TANC1: variants seen among roughly 807,000 people sequenced by gnomAD.
TANC1 encodes protein TANC1.
In TANC1, 77 loss-of-function variants were observed where a neutral mutation model predicts 149.7. The ratio of observed to expected loss-of-function variants is 0.51; its 90% confidence interval spans 0.43 to 0.62. The LOEUF is 0.62. TANC1 is among the 20% of genes least tolerant of loss of function. The probability of loss-of-function intolerance (pLI) is 0.00; values close to 1 mark genes in which losing one functional copy is unlikely to be tolerated. For missense variants in TANC1, 1,985 were observed against 2,321.8 expected (o/e 0.85, Z 2.98); for synonymous variants, 854 against 925.0 (o/e 0.92, Z 1.39).
At chr2:159,083,496 A>G (rs2044499656) in intron 3 of TANC1, among the ~76,000 whole-genome samples, 1 of 152,124 alleles carries the variant, frequency 6.6e-6, no homozygotes. Flanking sequence ...TAGAGAAATA[A>G]CAAAGGAAGA....
At chr2:159,065,291 G>A (rs1454324916) in intron 2 of TANC1, among the ~76,000 whole-genome samples, 2 of 152,130 alleles carry the variant, frequency 1.3e-5, no homozygotes, top group Non-Finnish European at 2.9e-5. Flanking sequence ...CCACCCCAAA[G>A]TTATAACTTC....
At chr2:159,199,670 G>A (rs1056337522) in intron 19 of TANC1, among the ~76,000 whole-genome samples, 4 of 152,192 alleles carry the variant, frequency 2.6e-5, no homozygotes, top group African/African-American at 9.7e-5. Context: ...CCACTTGACT[G>A]GATTAGTGTT....
At chr2:159,118,811 C>CTGTG (rs1214094452) in intron 4 of TANC1, among the ~76,000 whole-genome samples, 1 of 152,170 alleles carries the variant, frequency 6.6e-6, no homozygotes, top group Admixed American at 6.5e-5. Context: ...CGGCCAGGTT[C>CTGTG]TGTGATTCTT....
chr2:159,213,463 A>G (rs1180384452), intron 19 of TANC1, among the ~76,000 whole-genome samples: 1 of 151,664 alleles, frequency 6.6e-6, no homozygotes, highest in African/African-American at 2.4e-5. Context: ...AACTGACATA[A>G]ATACCATTCT....
intron 14 of TANC1, 35 bp downstream of exon 14, chr2:159,179,198 G>T (rs1314100240): frequency 6.3e-7 from 1 of 1,578,146 alleles, no homozygotes; most frequent in Non-Finnish European, 8.6e-7. Flanking sequence ...TCTTTGCAGG[G>T]AATCTCGTGT....
chr2:159,092,781 T>A (rs1188841913), intron 3 of TANC1, among the ~76,000 whole-genome samples: 1 of 152,198 alleles, frequency 6.6e-6, no homozygotes, highest in Non-Finnish European at 1.5e-5. Context: ...GTCTGAAATA[T>A]TTACTGTCAT....
At chr2:159,223,098 G>T (rs923351456) in intron 22 of TANC1, among the ~76,000 whole-genome samples, 36 of 152,226 alleles carry the variant, frequency 2.4e-4, no homozygotes, top group East Asian at 5.8e-4. Context: ...TAGAGATGGG[G>T]TTTCACTATG....
At chr2:159,228,012 C>T (rs2060120997) in intron 25 of TANC1, 47 bp downstream of exon 25, 4 of 1,591,358 alleles carry the variant, frequency 2.5e-6, no homozygotes, top group East Asian at 4.5e-5. Flanking sequence ...GCAACAGAGC[C>T]CTTCTCCAGC....
chr2:159,196,502 A>AT (rs2057859970), intron 17 of TANC1, 106 bp from the exon 18 acceptor site: 3 of 896,986 alleles, frequency 3.3e-6, no homozygotes, highest in Non-Finnish European at 5.0e-6. Context: ...TGTGAACCCC[A>AT]TGTACGCTTA....
chr2:159,120,201 A>G (rs2150085364), intron 4 of TANC1, among the ~76,000 whole-genome samples: 1 of 152,244 alleles, frequency 6.6e-6, no homozygotes, highest in Non-Finnish European at 1.5e-5. Context: ...AGGTGACAAT[A>G]GTGTATGTGC....
At chr2:159,142,730 T>G (rs1021115024) in intron 5 of TANC1, among the ~76,000 whole-genome samples, 4 of 152,028 alleles carry the variant, frequency 2.6e-5, no homozygotes, top group African/African-American at 9.7e-5. Flanking sequence ...GGCACATTTT[T>G]TCTTCAACAG....
intron 15 of TANC1, 98 bp from the exon 16 acceptor site, chr2:159,186,804 C>T (rs779112556): frequency 3.8e-5 from 57 of 1,510,880 alleles, no homozygotes; most frequent in African/African-American, 1.9e-4. Flanking sequence ...GCACCCTCTG[C>T]GGCAGACCCA....
chr2:158,987,787 G>A (rs1056342937), intron 1 of TANC1, among the ~76,000 whole-genome samples: 2 of 152,126 alleles, frequency 1.3e-5, no homozygotes, highest in Non-Finnish European at 2.9e-5. Flanking sequence ...TGGGAAGGTA[G>A]TTTTGGGAAT....
chr2:159,163,452 G>A lies in TANC1; in HGVS notation c.852G>A (p.Thr284=), dbSNP rs771426591. The change falls in exon 8 of 27, where the codon ACG becomes ACA. Residue 284 remains threonine (T), a synonymous_variant. Transcript: ENST00000263635. The stretch of plus-strand genomic sequence containing the variant: ...AGACCACCGGGTCAGCAGAGAGCAC[G>A]CTGCCCAAAGCAGAATCCTCAGCTG... ...EEETTGSAES[T]LPKAESSAGD... 6 of 1,613,942 alleles carry A rather than the reference G, an allele frequency of 3.7e-6. No homozygotes were observed. Among genetic ancestry groups the A allele is most frequent in the Admixed American group, 1.7e-5 (1 of 60,006 alleles).
intron 4 of TANC1, among the ~76,000 whole-genome samples, chr2:159,114,980 ATTGAGCACCAGCCATG>A (rs374697381): frequency 3.8e-4 from 58 of 152,322 alleles, no homozygotes; most frequent in African/African-American, 1.2e-3. Context: ...ATACCAGTTT[ATTGAGCACCAGCCATG>A]TGTTGGGCTC....
chr2:159,105,011 T>C (rs368959749), intron 4 of TANC1, among the ~76,000 whole-genome samples: 15,098 of 46,412 alleles, frequency 0.33, 2,425 homozygotes, highest in Middle Eastern at 0.47. Context: ...TTTTTTTTTT[T>C]TGAGATGGAG....
chr2:159,223,318 G>A (rs1457608882), intron 22 of TANC1, among the ~76,000 whole-genome samples: 1 of 151,446 alleles, frequency 6.6e-6, no homozygotes, highest in Non-Finnish European at 1.5e-5. Context: ...TTTTTTAATT[G>A]TAGCCATCGT....
intron 16 of TANC1, among the ~76,000 whole-genome samples, chr2:159,189,568 T>A (rs1057005201): frequency 1.3e-5 from 2 of 152,242 alleles, no homozygotes; most frequent in Admixed American, 1.3e-4. Flanking sequence ...CTTTTTTTTT[T>A]ACACATTGAT....
intron 4 of TANC1, among the ~76,000 whole-genome samples, chr2:159,134,827 G>T (rs2050497934): frequency 6.6e-6 from 1 of 151,998 alleles, no homozygotes; most frequent in Non-Finnish European, 1.5e-5. Flanking sequence ...TCACTGTGTT[G>T]CCCAGGCTTG....
Sources: allele counts gnomAD v4.1 joint callset (sites outside exome capture counted in the v4.1 genomes callset), GRCh38; gene constraint gnomAD v4.1.1; transcripts MANE v1.5; gene names NCBI Gene and HGNC (gene_info 2026-07-23, HGNC 2026-07-21).